Variants in DST observed in about 807,000 individuals in gnomAD.
DST encodes the protein bullous pemphigoid antigen.
A neutral mutation model predicts 875.2 loss-of-function variants in DST; 253 were observed. The observed-to-expected ratio is 0.29, with a 90% CI of 0.26 to 0.32. The LOEUF is 0.32. Among genes scored for constraint, DST ranks in the 10% least tolerant of loss-of-function variants. DST has a pLI of 1.00. For missense variants in DST, 8,287 were observed against 9,111.6 expected, an observed-to-expected ratio of 0.91 and a Z score of 3.68; for synonymous variants, 3,124 against 3,197.1, an observed-to-expected ratio of 0.98 and a Z score of 0.77.
At chr6:56,580,452 G>A (rs1228377510) in intron 49 of DST, among the ~76,000 whole-genome samples, 1 of 152,040 alleles carries the variant, frequency 6.6e-6, no homozygotes, top group Non-Finnish European at 1.5e-5. Flanking sequence ...CAGGAGCTGA[G>A]TCAGGAAGAC....
At chr6:56,558,736 C>T (rs2097475979) in intron 58 of DST, among the ~76,000 whole-genome samples, 1 of 152,104 alleles carries the variant, frequency 6.6e-6, no homozygotes, top group East Asian at 1.9e-4. Flanking sequence ...CATTCAAGGC[C>T]TCCCACAATC....
Position 56,651,232 on chromosome 6 carries a change from T to C in DST, c.1227A>G (p.Ile409Met). 1 of 1,603,806 alleles carries C rather than the reference T, an allele frequency of 6.2e-7. No homozygotes were observed. The highest frequency in any genetic ancestry group is 8.5e-7 in the Non-Finnish European group (1 of 1,174,130). ...TTTGAACAGCAACAGTATTCATATC[T>C]ATCAGGTCCGGCCTAGGAAAAAATT... ...AIIHKYRPDL[I>M]DMNTVAVQSN... Residue 409 changes from isoleucine to methionine, a missense_variant, in exon 11 of 104, where the codon ATA becomes ATG. Physicochemically the swap from Ile to Met is conservative, Grantham distance 10 (BLOSUM62 1). Transcript: ENST00000680361.
At chr6:56,879,228 G>A (rs1294137081) in intron 3 of DST, among the ~76,000 whole-genome samples, 1 of 152,124 alleles carries the variant, frequency 6.6e-6, no homozygotes, top group Non-Finnish European at 1.5e-5. Flanking sequence ...CAGCACTTTG[G>A]GAGGCCAAGG....
rs1457248791 is a variant in DST at position 56,508,627 on chromosome 6, A to G, written c.19141T>C (p.Leu6381=). The G allele has an allele frequency of 3.7e-6, 6 of 1,613,704 alleles. No homozygotes were observed. The highest frequency in any genetic ancestry group is 1.3e-5 in the African/African-American group (1 of 74,866). The change falls in exon 75 of 104, where the codon TTG becomes CTG. Residue 6381 remains leucine (L), a synonymous_variant. Transcript: ENST00000680361. ...AEKFWCDHMS[L]IVTIKDTQDF... is the part of the protein sequence containing the mutation. ...TGAGTATCTTTAATGGTAACTATCA[A>G]TGACATGTGATCACACCAGAACTTT...
At chr6:56,909,918 C>T (rs1426056705) in intron 2 of DST, among the ~76,000 whole-genome samples, 1 of 152,090 alleles carries the variant, frequency 6.6e-6, no homozygotes, top group South Asian at 2.1e-4. Flanking sequence ...TTTTAATAAC[C>T]CTATATTAAA....
chr6:56,555,656 A>G lies in DST; in HGVS notation c.14825T>C (p.Ile4942Thr). Reference sequence around the variant, plus strand: ...TGTGCTTTTAACAATGGCTTGGTCAATCCAGTCACATCTGTCACTCAATTG... The same window carrying G: ...TGTGCTTTTAACAATGGCTTGGTCAGTCCAGTCACATCTGTCACTCAATTG... The part of the protein sequence containing the change: ...TGQLSDRCDW[I>T]DQAIVKSTQY... The change falls in exon 60 of 104, where the codon ATT becomes ACT. Residue 4942 changes from isoleucine to threonine, a missense_variant. Ile to Thr is a moderately conservative substitution (Grantham distance 89). Around this residue, in one of 10 missense-constraint regions of DST, gnomAD observed 1,513 missense variants for 1,677.8 expected, o/e 0.90. Coordinates refer to ENST00000680361, the MANE Select transcript of DST (RefSeq NM_001374736.1). 6.2e-7 allele frequency: 1 copy of G among 1,613,978 alleles called. No homozygotes were observed. Among genetic ancestry groups the G allele is most frequent in the Non-Finnish European group, 8.5e-7 (1 of 1,179,884 alleles).
At chr6:56,471,391 G>C in intron 94 of DST, 123 bp from the exon 95 acceptor site, 2 of 685,564 alleles carry the variant, frequency 2.9e-6, no homozygotes, top group South Asian at 5.4e-5. Flanking sequence ...TTCAAAAAGA[G>C]GTATGATCTT....
In DST at chr6:56,635,670, T is replaced by C; in HGVS notation, c.3105A>G (p.Leu1035=). The C allele has an allele frequency of 1.2e-6, 2 of 1,613,836 alleles. No individual in the cohort carries two copies. The highest frequency in any genetic ancestry group is 1.3e-5 in the African/African-American group (1 of 75,056). ...TGTACTTCCGCTGAATGGCATCTTT[T>C]AGATTCCTTAAGTAATCAGTAGCTT... The part of the protein sequence containing the change: ...AKEATDYLRN[L]KDAIQRKYSC... The change falls in exon 24 of 104, where the codon CTA becomes CTG. Residue 1035 remains leucine (L), a synonymous_variant. Transcript: ENST00000680361.
At chr6:56,770,252 G>A (rs1036883295) in intron 4 of DST, among the ~76,000 whole-genome samples, 2 of 152,148 alleles carry the variant, frequency 1.3e-5, no homozygotes, top group African/African-American at 2.4e-5. Context: ...ATCATGAAAA[G>A]TCCCACTTAA....
In DST at chr6:56,473,845, C is replaced by T. The variant is rs779903576; in HGVS notation, c.21994+28G>A. On this transcript the variant is annotated intron_variant, in intron 93 of 103. Coordinates refer to ENST00000680361, the MANE Select transcript of DST (RefSeq NM_001374736.1). Reference sequence around the variant, plus strand: ...GAAAATTAGCTCCCTTATTTATTGACATTTTAAAGAAATTGATCACTGCTT... The same window carrying T: ...GAAAATTAGCTCCCTTATTTATTGATATTTTAAAGAAATTGATCACTGCTT... The T allele has an allele frequency of 3.8e-6, 6 of 1,571,934 alleles. No homozygotes were observed. The South Asian group carries it at 7.3e-5, about 19-fold the overall frequency.
Position 56,599,936 on chromosome 6 carries a change from A to G in DST, c.11694+133T>C, listed in dbSNP as rs1257817772. 14 of 722,002 alleles carry G rather than the reference A, an allele frequency of 1.9e-5. No individual in the cohort carries two copies. In the East Asian group the frequency reaches 3.9e-4, roughly 20 times the overall value. The allele number at this position is 722,002 out of a possible 1,614,324, so 44.7% of individuals were successfully genotyped here. A position where few individuals can be genotyped will look rare whatever the true frequency, so the allele number is the denominator to read the frequency against. On this transcript the variant is annotated intron_variant, in intron 45 of 103. Transcript: ENST00000680361. ...AGTATAAAGTTTAAAGCTCAAGCCCAGGGCGTCTTGGGTATGCCTTGCTTC... is the reference window on the plus strand; with the variant it reads ...AGTATAAAGTTTAAAGCTCAAGCCCGGGGCGTCTTGGGTATGCCTTGCTTC...
At chr6:56,790,123 G>GT (rs1312803127) in intron 4 of DST, among the ~76,000 whole-genome samples, 2 of 151,916 alleles carry the variant, frequency 1.3e-5, no homozygotes, top group Non-Finnish European at 2.9e-5. Context: ...TCCTGGACAT[G>GT]TTTTCCTTTG....
At chr6:56,631,154 TAAATAA>T in intron 30 of DST, 51 bp downstream of exon 30, 1 of 820,374 alleles carries the variant, frequency 1.2e-6, no homozygotes, top group Non-Finnish European at 1.7e-6. Context: ...AAATTAATAG[TAAATAA>T]AAATGAGAGT....
rs1321163806 is a variant in DST at position 56,841,070 on chromosome 6, G to A, written c.625+10327C>T. ...GAAAGTGAGCAACCGTACTCTGAAC[G>A]TTTAGTGAACTGACACTCCCTATTC... On this transcript the variant is annotated intron_variant, in intron 4 of 103. Transcript: ENST00000680361. Among the ~76,000 whole-genome samples the A allele has an allele frequency of 5.9e-5, 9 of 152,166 alleles. No individual in the cohort carries two copies. The South Asian group carries it at 1.2e-3, about 21-fold the overall frequency.
chr6:56,535,347 C>T (rs1403465082), intron 62 of DST, 55 bp from the exon 63 acceptor site: 13 of 1,509,996 alleles, frequency 8.6e-6, no homozygotes, highest in Non-Finnish European at 9.7e-6. Flanking sequence ...ATAATGCAAT[C>T]TGAGCACAAA....
intron 4 of DST, among the ~76,000 whole-genome samples, chr6:56,809,261 A>C (rs2099756918): frequency 1.3e-5 from 2 of 152,158 alleles, no homozygotes; most frequent in South Asian, 4.2e-4. Context: ...CAAAGTATTC[A>C]AGGAATGGGT....
At chr6:56,583,231 A>G (rs1452132804) in intron 49 of DST, among the ~76,000 whole-genome samples, 1 of 152,102 alleles carries the variant, frequency 6.6e-6, no homozygotes, top group African/African-American at 2.4e-5. Context: ...AAGTGTTCCT[A>G]TTTCTCCACA....
rs200744603 is a variant in DST, at chr6:56,620,315, T to C, written c.4929+4215A>G. On this transcript the variant is annotated intron_variant, in intron 36 of 103. Transcript: ENST00000680361. ...GGTAAAGGTGTTTTCCTCCAACTGA[T>C]TGCGAAAATTCAGGAGGTTCTCTTC... The C allele has an allele frequency of 1.1e-4, 175 of 1,614,180 alleles. No individual in the cohort carries two copies. The highest frequency in any genetic ancestry group is 3.3e-4 in the Middle Eastern group (2 of 6,062).
chr6:56,514,850 A>G (rs930181944), intron 72 of DST, among the ~76,000 whole-genome samples: 2 of 152,222 alleles, frequency 1.3e-5, no homozygotes, highest in African/African-American at 4.8e-5. Flanking sequence ...TTAAAATGTG[A>G]TGTAACTGTA....
Sources: gnomAD v4.1 joint callset for allele counts (sites outside exome capture counted in the v4.1 genomes callset) on GRCh38, gnomAD v4.1.1 for gene constraint, gnomAD v4.1.1 regional missense constraint, MANE v1.5 for transcripts, NCBI Gene and HGNC (gene_info 2026-07-23, HGNC 2026-07-21) for gene names.